ITPRID1: variants seen among roughly 807,000 people sequenced by gnomAD.
ITPRID1 encodes protein ITPRID1.
A neutral mutation model predicts 95.4 loss-of-function variants in ITPRID1; 96 were observed. The ratio of observed to expected loss-of-function variants is 1.01; its 90% CI spans 0.85 to 1.19. ITPRID1 has a LOEUF of 1.19. ITPRID1 is among the 50% of genes most tolerant of loss of function. The pLI is 0.00. For missense variants in ITPRID1, 1,339 were observed against 1,252.9 expected (o/e 1.07, Z -1.04); for synonymous variants, 510 against 453.6 (o/e 1.12, Z -1.58).
chr7:31,579,739 T>C (rs1785327314), intron 9 of ITPRID1, among the ~76,000 whole-genome samples: 1 of 152,166 alleles, frequency 6.6e-6, no homozygotes, highest in Non-Finnish European at 1.5e-5. Flanking sequence ...TATGTAGATG[T>C]TAAGGTTCCT....
At chr7:31,518,326 C>G (rs1467267442) in intron 1 of ITPRID1, 3 of 152,210 alleles carry the variant, frequency 2.0e-5, no homozygotes, top group South Asian at 4.1e-4. Flanking sequence ...TTCTGACTTC[C>G]AGGACCGTAA....
At chr7:31,562,302 G>C (rs1784652498) in intron 5 of ITPRID1, among the ~76,000 whole-genome samples, 1 of 152,122 alleles carries the variant, frequency 6.6e-6, no homozygotes, top group Admixed American at 6.5e-5. Flanking sequence ...AAGCATAACT[G>C]TGAGTGAAAA....
chr7:31,631,256 C>T, intron 10 of ITPRID1, among the ~76,000 whole-genome samples: 1 of 152,142 alleles, frequency 6.6e-6, no homozygotes, highest in Non-Finnish European at 1.5e-5. Flanking sequence ...AATCTGGGGG[C>T]AAAAGGCATG....
chr7:31,620,166 A>C (rs1360897702), intron 10 of ITPRID1, among the ~76,000 whole-genome samples: 1 of 152,146 alleles, frequency 6.6e-6, no homozygotes, highest in East Asian at 1.9e-4. Flanking sequence ...TGCAGGCTCC[A>C]CCTCTGGGGG....
At chr7:31,558,292 T>C (rs2128138651) in intron 5 of ITPRID1, among the ~76,000 whole-genome samples, 1 of 152,258 alleles carries the variant, frequency 6.6e-6, no homozygotes, top group Admixed American at 6.5e-5. Context: ...CGGTATTGTG[T>C]TATAGCAGCA....
chr7:31,613,905 A>C (rs901041033), intron 10 of ITPRID1, among the ~76,000 whole-genome samples: 2 of 152,336 alleles, frequency 1.3e-5, no homozygotes. Flanking sequence ...GCTAATGCAT[A>C]TGTAGGGGGA....
chr7:31,609,855 G>A (rs768748930), intron 10 of ITPRID1, among the ~76,000 whole-genome samples: 3 of 151,072 alleles, frequency 2.0e-5, no homozygotes, highest in African/African-American at 4.9e-5. Flanking sequence ...TGTTTGTGTA[G>A]TTTAAGGTAA....
At chr7:31,583,696 CAGAA>C (rs990849926) in intron 10 of ITPRID1, among the ~76,000 whole-genome samples, 2 of 152,108 alleles carry the variant, frequency 1.3e-5, no homozygotes, top group Admixed American at 1.3e-4. Context: ...TAAAAGACCA[CAGAA>C]ACGTTCAATA....
intron 10 of ITPRID1, among the ~76,000 whole-genome samples, chr7:31,595,148 G>A (rs1786031534): frequency 6.8e-6 from 1 of 147,626 alleles, no homozygotes; most frequent in Admixed American, 6.8e-5. Context: ...AGGTTTAAGT[G>A]GTTCTCCTGC....
intron 1 of ITPRID1, among the ~76,000 whole-genome samples, chr7:31,517,068 G>C (rs924713223): frequency 6.6e-6 from 1 of 152,198 alleles, no homozygotes; most frequent in Admixed American, 6.5e-5. Flanking sequence ...GCAGCAACAA[G>C]ATTTATTGCA....
Position 31,599,664 on chromosome 7 carries a change from C to CTTTCTT in ITPRID1, c.1228+16474_1228+16475insTTCTTT, listed in dbSNP as rs373405478. Among the ~76,000 whole-genome samples the CTTTCTT allele has an allele frequency of 5.1e-3, 537 of 105,934 alleles. 29 individuals carry two copies. Among genetic ancestry groups the CTTTCTT allele is most frequent in the African/African-American group, 0.014 (356 of 25,120 alleles). 69.5% of individuals were successfully genotyped at this position (105,934 alleles called of 152,430 possible). A position where few individuals can be genotyped will look rare whatever the true frequency, so the allele number is the denominator to read the frequency against. ...TTCTTTCTTTTTCTTTCTTTCCTTT[C>CTTTCTT]TCTCTCTCTCTCTCTCTCTCTCTCT... is the stretch of plus-strand genomic sequence containing the variant. On this transcript the variant is annotated intron_variant, in intron 10 of 14. Transcript: ENST00000615280.
Position 31,654,502 on chromosome 7 carries a change from C to G in ITPRID1, c.*1673C>G, listed in dbSNP as rs565854001. 2.3e-4 allele frequency among the ~76,000 whole-genome samples: 35 copies of G among 152,268 alleles called. No homozygotes were observed. The highest frequency in any genetic ancestry group is 7.5e-4 in the African/African-American group (31 of 41,558). ...GATTTACGTTTTGAAGTCATGCTGG[C>G]TGCTTTATGGAGAAAACGCCCCTGG... On this transcript the variant is annotated 3_prime_UTR_variant, in exon 15 of 15. Coordinates refer to ENST00000615280, the MANE Select transcript of ITPRID1 (RefSeq NM_001257967.3).
intron 10 of ITPRID1, among the ~76,000 whole-genome samples, chr7:31,610,452 T>C (rs1786816589): frequency 6.6e-6 from 1 of 151,820 alleles, no homozygotes; most frequent in Non-Finnish European, 1.5e-5. Context: ...TTACATTCAG[T>C]CTAAATAGAT....
At chr7:31,624,377 C>T (rs1418723224) in intron 10 of ITPRID1, among the ~76,000 whole-genome samples, 2 of 146,396 alleles carry the variant, frequency 1.4e-5, no homozygotes, top group Non-Finnish European at 3.0e-5. Context: ...AACTATACTA[C>T]AAGGCTACAG....
intron 1 of ITPRID1, among the ~76,000 whole-genome samples, chr7:31,525,857 T>C (rs554071722): frequency 6.6e-6 from 1 of 152,306 alleles, no homozygotes; most frequent in South Asian, 2.1e-4. Flanking sequence ...TTGCCTCCTG[T>C]TTATTCTTGT....
chr7:31,637,988 T>C (rs541256814), intron 10 of ITPRID1, among the ~76,000 whole-genome samples: 1 of 152,326 alleles, frequency 6.6e-6, no homozygotes, highest in South Asian at 2.1e-4. Flanking sequence ...ATTTATTAAA[T>C]AGGGAATCAG....
intron 10 of ITPRID1, among the ~76,000 whole-genome samples, chr7:31,632,488 T>C (rs1789101146): frequency 1.3e-5 from 2 of 152,262 alleles, no homozygotes; most frequent in East Asian, 1.9e-4. Context: ...CATGACAGGA[T>C]GGAACCATGG....
chr7:31,626,413 A>AG, intron 10 of ITPRID1, among the ~76,000 whole-genome samples: 1 of 152,202 alleles, frequency 6.6e-6, no homozygotes, highest in Non-Finnish European at 1.5e-5. Flanking sequence ...AACTTTTAAA[A>AG]TTATCATAAT....
intron 10 of ITPRID1, among the ~76,000 whole-genome samples, chr7:31,639,514 T>C (rs114726080): frequency 0.035 from 5,084 of 146,434 alleles, 316 homozygotes; most frequent in African/African-American, 0.12. Flanking sequence ...CAGGATATAG[T>C]TTTTCTTTTG....
Sources: allele counts gnomAD v4.1 joint callset (sites outside exome capture counted in the v4.1 genomes callset), GRCh38; gene constraint gnomAD v4.1.1; transcripts MANE v1.5; gene names NCBI Gene and HGNC (gene_info 2026-07-23, HGNC 2026-07-21).